The following IQGAP2 variants were observed in gnomAD, a reference collection of about 807,000 sequenced individuals.
The protein encoded by IQGAP2 is IQ motif containing GTPase activating protein 2, also known as ras GTPase-activating-like protein IQGAP2.
IQGAP2 carries 173 observed loss-of-function variants against 201.3 expected under a neutral mutation model. The observed-to-expected ratio is 0.86, with a 90% CI of 0.76 to 0.98. The LOEUF is 0.98. Ranked by LOEUF, IQGAP2 falls within the 50% of genes least tolerant of loss-of-function variation. The pLI, the probability that IQGAP2 is intolerant of heterozygous loss-of-function variation, is 0.00. For synonymous variants in IQGAP2, 675 were observed against 673.9 expected (o/e 1.00, Z -0.03); for missense variants, 1,687 against 1,864.8 (o/e 0.90, Z 1.76).
Position 76,403,427 on chromosome 5 carries a change from A to T in IQGAP2, c.-119A>T, listed in dbSNP as rs1218530575. The T allele has an allele frequency of 2.9e-6, 2 of 689,438 alleles. No homozygotes were observed. The highest frequency in any genetic ancestry group is 4.2e-6 in the Non-Finnish European group (2 of 478,472). The allele number at this position is 689,438 out of a possible 1,614,324, so 42.7% of individuals were successfully genotyped here. On this transcript the variant is annotated 5_prime_UTR_variant, in exon 1 of 36. Transcript: ENST00000274364. This position sits in a 1 kb window ranked among gnomAD's most constrained non-coding sequence, Gnocchi z 4.8. ...GTGGGTCGCAGATCTTCGGGCGGCT[A>T]GGGGAAATCGGCGAGAGGCGGGATC...
intron 2 of IQGAP2, among the ~76,000 whole-genome samples, chr5:76,509,984 C>CTTTTTTTTTTTTTTTTTTTTTTTTT: frequency 7.2e-6 from 1 of 138,052 alleles, no homozygotes; most frequent in Non-Finnish European, 1.6e-5. Flanking sequence ...AATTTTCTTT[C>CTTTTTTTTTTTTTTTTTTTTTTTTT]TTTTTTTTTT....
At position 76,549,572 on chromosome 5, in the gene IQGAP2, A is replaced by G. The variant is rs117628260; in HGVS notation, c.147-12824A>G. Among the ~76,000 whole-genome samples the G allele has an allele frequency of 3.6e-4, 55 of 152,246 alleles. No homozygotes were observed. In the East Asian group the frequency reaches 0.01, roughly 29 times the overall value. On this transcript the variant is annotated intron_variant, in intron 2 of 35. Coordinates refer to ENST00000274364, the MANE Select transcript of IQGAP2 (RefSeq NM_006633.5). The stretch of plus-strand genomic sequence containing the variant: ...TTGTTCAGGCTGCCATAAACAAAAT[A>G]CCACAGATTGGGAGGCTTAAACAAC...
chr5:76,658,620 A>G lies in IQGAP2; in HGVS notation c.2482A>G (p.Met828Val), dbSNP rs1313285618. 1 of 1,613,998 alleles carries G rather than the reference A, an allele frequency of 6.2e-7. No individual in the cohort carries two copies. The highest frequency in any genetic ancestry group is 1.1e-5 in the South Asian group (1 of 91,022). ...ACAGCTGGAAAAAGACCTGAACCTG[A>G]TGGACATCAAGATTGGACTGCTGGT... The part of the protein sequence containing the change: ...NQQLEKDLNL[M>V]DIKIGLLVKN... Residue 828 changes from methionine (M) to valine (V), a missense_variant, in exon 21 of 36, where the codon ATG (methionine) becomes GTG (valine). Coordinates refer to ENST00000274364, the MANE Select transcript of IQGAP2 (RefSeq NM_006633.5).
At chr5:76,419,002 T>G (rs1751569124) in intron 1 of IQGAP2, among the ~76,000 whole-genome samples, 1 of 152,202 alleles carries the variant, frequency 6.6e-6, no homozygotes, top group South Asian at 2.1e-4. Flanking sequence ...ATCATCTAAT[T>G]CATAGTTGTC....
chr5:76,410,216 G>T (rs993921185), intron 1 of IQGAP2, among the ~76,000 whole-genome samples: 3 of 152,162 alleles, frequency 2.0e-5, no homozygotes, highest in Non-Finnish European at 2.9e-5. Flanking sequence ...CAATGGGAGG[G>T]CTTCATGAAA....
At chr5:76,419,685 T>TG (rs1020270574) in intron 1 of IQGAP2, among the ~76,000 whole-genome samples, 8 of 151,616 alleles carry the variant, frequency 5.3e-5, no homozygotes, top group South Asian at 2.1e-4. Flanking sequence ...TTTTTTTTTT[T>TG]TGTGTTTTAA....
In IQGAP2 at chr5:76,426,931, T is replaced by TGTGTGTGTGTGTGTGTGTGA. The variant is rs1437229439; in HGVS notation, c.46+23345_46+23346insTGTGTGTGTGTGTGAGTGTG. Among the ~76,000 whole-genome samples, 20 of 151,940 alleles carry TGTGTGTGTGTGTGTGTGTGA rather than the reference T, an allele frequency of 1.3e-4. No homozygotes were observed. In the East Asian group the frequency reaches 2.9e-3, roughly 22 times the overall value. ...GTGTGTGTGTGTGTGTGTGTGTGTG[T>TGTGTGTGTGTGTGTGTGTGA]GTGTGAGTGTGTGCAGGACTTTACT... is the stretch of plus-strand genomic sequence containing the variant. On this transcript the variant is annotated intron_variant, in intron 1 of 35. Coordinates refer to ENST00000274364, the MANE Select transcript of IQGAP2 (RefSeq NM_006633.5).
At chr5:76,509,809 T>G (rs1757846820) in intron 2 of IQGAP2, among the ~76,000 whole-genome samples, 1 of 151,986 alleles carries the variant, frequency 6.6e-6, no homozygotes. Flanking sequence ...CCTTAGTAGA[T>G]AGTCACCCTC....
intron 1 of IQGAP2, among the ~76,000 whole-genome samples, chr5:76,441,718 A>T (rs1367132494): frequency 6.6e-6 from 1 of 152,204 alleles, no homozygotes; most frequent in Non-Finnish European, 1.5e-5. Flanking sequence ...GCAGATGAAG[A>T]ATCACTCTTG....
At chr5:76,650,414 G>C (rs1752424770) in intron 17 of IQGAP2, among the ~76,000 whole-genome samples, 1 of 152,176 alleles carries the variant, frequency 6.6e-6, no homozygotes, top group Non-Finnish European at 1.5e-5. Context: ...TGTTCACTGT[G>C]TATTTTAATA....
At chr5:76,517,986 T>G (rs144243289) in intron 2 of IQGAP2, among the ~76,000 whole-genome samples, 4,643 of 152,252 alleles carry the variant, frequency 0.03, 92 homozygotes, top group Middle Eastern at 0.054. Context: ...GACAAGAGTC[T>G]TGCTCTATCA....
At chr5:76,670,723 G>T (rs1217969390) in intron 23 of IQGAP2, among the ~76,000 whole-genome samples, 2 of 152,182 alleles carry the variant, frequency 1.3e-5, no homozygotes, top group African/African-American at 4.8e-5. Context: ...ATCAAGAAAA[G>T]CTCTCTCAGC....
intron 30 of IQGAP2, among the ~76,000 whole-genome samples, chr5:76,689,524 C>CTT (rs1238656499): frequency 6.6e-6 from 1 of 152,050 alleles, no homozygotes; most frequent in Non-Finnish European, 1.5e-5. Flanking sequence ...TCCTTATGGC[C>CTT]TTAATTAAGC....
intron 2 of IQGAP2, among the ~76,000 whole-genome samples, chr5:76,485,518 A>G (rs761924406): frequency 6.6e-6 from 1 of 152,182 alleles, no homozygotes; most frequent in African/African-American, 2.4e-5. Flanking sequence ...CCTTGGTTAC[A>G]TTGAAAACCA....
In IQGAP2 at chr5:76,623,771, T is replaced by C. The variant is rs146763996; in HGVS notation, c.1522-3639T>C. On this transcript the variant is annotated intron_variant, in intron 13 of 35. Transcript: ENST00000274364. Reference sequence around the variant, plus strand: ...AACACTTTACATAATTATAAATTAATCATGGAAAACAAACTTTTAAGAAAT... The same window carrying C: ...AACACTTTACATAATTATAAATTAACCATGGAAAACAAACTTTTAAGAAAT... Among the ~76,000 whole-genome samples the C allele has an allele frequency of 2.2e-3, 334 of 152,324 alleles. 4 individuals are homozygous for C. The highest frequency in any genetic ancestry group is 7.7e-3 in the African/African-American group (319 of 41,570).
intron 26 of IQGAP2, among the ~76,000 whole-genome samples, chr5:76,674,270 T>C (rs1481977646): frequency 6.6e-6 from 1 of 152,196 alleles, no homozygotes; most frequent in Non-Finnish European, 1.5e-5. Flanking sequence ...CATTTTTTCA[T>C]CAAAAATAAC....
intron 2 of IQGAP2, among the ~76,000 whole-genome samples, chr5:76,474,744 C>T (rs1365302406): frequency 6.6e-6 from 1 of 152,186 alleles, no homozygotes; most frequent in Non-Finnish European, 1.5e-5. Context: ...TGTGTGAGTG[C>T]AGGCTTCTGA....
chr5:76,570,485 T>C, intron 3 of IQGAP2, 95 bp from the exon 4 acceptor site: 3 of 817,220 alleles, frequency 3.7e-6, no homozygotes, highest in East Asian at 4.8e-5. Context: ...AGAAATACAA[T>C]TGAAAAGCAT....
intron 5 of IQGAP2, among the ~76,000 whole-genome samples, chr5:76,581,995 G>A (rs1017132871): frequency 2.6e-5 from 4 of 152,208 alleles, no homozygotes; most frequent in South Asian, 2.1e-4. Context: ...CACAAATGGA[G>A]CTTTTAACTA....
Sources: allele counts gnomAD v4.1 joint callset (sites outside exome capture counted in the v4.1 genomes callset), GRCh38; gene constraint gnomAD v4.1.1; non-coding constraint Gnocchi (gnomAD v3.1); transcripts MANE v1.5; gene names NCBI Gene and HGNC (gene_info 2026-07-23, HGNC 2026-07-21).